The following SPIDR variants were observed in gnomAD, a reference collection of about 807,000 sequenced individuals.
SPIDR encodes the protein scaffold protein involved in DNA repair, also known as DNA repair-scaffolding protein.
In SPIDR, 93 loss-of-function variants were observed where a neutral mutation model predicts 104.6. That is an observed-to-expected ratio of 0.89 (90% CI 0.75 to 1.06). The LOEUF (loss-of-function observed/expected upper bound fraction) is 1.06, where lower values mean the gene tolerates loss of function less well. Among genes scored for constraint, SPIDR ranks in the 50% least tolerant of loss-of-function variants. SPIDR has a pLI of 0.00. For synonymous variants in SPIDR, 431 were observed against 416.9 expected (o/e 1.03, Z -0.41); for missense variants, 1,154 against 1,111.2 (o/e 1.04, Z -0.55).
chr8:47,690,482 A>G (rs1177372712), intron 11 of SPIDR, among the ~76,000 whole-genome samples: 2 of 150,278 alleles, frequency 1.3e-5, no homozygotes, highest in East Asian at 1.9e-4. Flanking sequence ...TTATATACAT[A>G]TATTATTTTT....
At chr8:47,586,405 A>G (rs1241754351) in intron 8 of SPIDR, among the ~76,000 whole-genome samples, 1 of 152,200 alleles carries the variant, frequency 6.6e-6, no homozygotes, top group Non-Finnish European at 1.5e-5. Flanking sequence ...CATCCTTGCC[A>G]GCATTCAATG....
chr8:47,655,030 T>G (rs1482528634), intron 10 of SPIDR, among the ~76,000 whole-genome samples: 1 of 152,206 alleles, frequency 6.6e-6, no homozygotes, highest in Non-Finnish European at 1.5e-5. Flanking sequence ...TCCAGCTTCA[T>G]CCATGTCCCT....
intron 7 of SPIDR, among the ~76,000 whole-genome samples, chr8:47,409,118 G>A (rs944881403): frequency 6.6e-5 from 10 of 152,248 alleles, no homozygotes; most frequent in East Asian, 1.9e-4. Flanking sequence ...CCCAGGAGGC[G>A]GAGTCTTCAG....
At chr8:47,540,709 C>G (rs2087933686) in intron 8 of SPIDR, among the ~76,000 whole-genome samples, 1 of 152,130 alleles carries the variant, frequency 6.6e-6, no homozygotes, top group African/African-American at 2.4e-5. Context: ...GTCTTTCCCC[C>G]CATTGCCCCT....
At chr8:47,312,977 G>A (rs1400573077) in intron 5 of SPIDR, among the ~76,000 whole-genome samples, 1 of 152,134 alleles carries the variant, frequency 6.6e-6, no homozygotes, top group Admixed American at 6.6e-5. Context: ...ATTAAATAGG[G>A]AATCCTTTCC....
intron 5 of SPIDR, among the ~76,000 whole-genome samples, chr8:47,312,743 A>G (rs1188335373): frequency 6.6e-6 from 1 of 152,054 alleles, no homozygotes; most frequent in African/African-American, 2.4e-5. Context: ...CCATTTGTCA[A>G]TTTTGGCTTT....
chr8:47,630,092 T>A (rs2066823507), intron 10 of SPIDR, among the ~76,000 whole-genome samples: 1 of 152,226 alleles, frequency 6.6e-6, no homozygotes, highest in South Asian at 2.1e-4. Context: ...GATGTGACAT[T>A]TTGAAATGTC....
intron 8 of SPIDR, among the ~76,000 whole-genome samples, chr8:47,476,303 T>G (rs2076290005): frequency 6.6e-6 from 1 of 152,124 alleles, no homozygotes; most frequent in East Asian, 1.9e-4. Context: ...CTCTTGAGTT[T>G]GTGATCGAGA....
At chr8:47,589,025 T>G (rs1023782127) in intron 8 of SPIDR, among the ~76,000 whole-genome samples, 3 of 142,628 alleles carry the variant, frequency 2.1e-5, no homozygotes, top group Non-Finnish European at 4.5e-5. Flanking sequence ...ATAGTTTGTT[T>G]TTTTTTTTTT....
At chr8:47,484,256 A>G (rs1357027679) in intron 8 of SPIDR, among the ~76,000 whole-genome samples, 2 of 152,254 alleles carry the variant, frequency 1.3e-5, no homozygotes, top group African/African-American at 4.8e-5. Flanking sequence ...AGCAATGAAA[A>G]TAGTAACTTT....
chr8:47,339,718 C>G (rs527380766), intron 5 of SPIDR, among the ~76,000 whole-genome samples: 1 of 145,322 alleles, frequency 6.9e-6, no homozygotes, highest in Non-Finnish European at 1.5e-5. Context: ...CTCGCACTGT[C>G]GCCTGGACTG....
intron 10 of SPIDR, among the ~76,000 whole-genome samples, chr8:47,670,776 A>AAT (rs1266396299): frequency 6.6e-6 from 1 of 152,062 alleles, no homozygotes; most frequent in Non-Finnish European, 1.5e-5. Flanking sequence ...CTACACCTTT[A>AAT]ATATTATTAA....
chr8:47,501,722 A>C (rs1263899571), intron 8 of SPIDR, among the ~76,000 whole-genome samples: 3 of 152,132 alleles, frequency 2.0e-5, no homozygotes, highest in South Asian at 2.1e-4. Flanking sequence ...GTCTTGTGCG[A>C]GTTTTCAAAG....
chr8:47,394,366 G>C (rs1168936940), intron 5 of SPIDR, among the ~76,000 whole-genome samples: 1 of 152,176 alleles, frequency 6.6e-6, no homozygotes, highest in African/African-American at 2.4e-5. Context: ...CAAGCAGCAT[G>C]AATCCTCTTC....
intron 16 of SPIDR, among the ~76,000 whole-genome samples, chr8:47,721,402 A>G (rs1005593584): frequency 1.3e-5 from 2 of 151,704 alleles, no homozygotes; most frequent in Admixed American, 6.6e-5. Context: ...TCAGGTGACT[A>G]TATTTATGAG....
chr8:47,306,796 T>TAAA (rs2043162380), intron 5 of SPIDR, among the ~76,000 whole-genome samples: 1 of 152,256 alleles, frequency 6.6e-6, no homozygotes, highest in African/African-American at 2.4e-5. Flanking sequence ...TAAATGTTTA[T>TAAA]AATTTTTGTC....
chr8:47,659,576 G>T (rs1442358859), intron 10 of SPIDR: 1 of 311,188 alleles, frequency 3.2e-6, no homozygotes, highest in Non-Finnish European at 4.7e-6. Flanking sequence ...CCTCCCAGGC[G>T]GCTACAGGAG....
At chr8:47,693,654 G>C (rs996670498) in intron 11 of SPIDR, among the ~76,000 whole-genome samples, 1 of 152,066 alleles carries the variant, frequency 6.6e-6, no homozygotes, top group African/African-American at 2.4e-5. Context: ...TCACATTCTC[G>C]TGAGGACACA....
chr8:47,294,688 T>C (rs1161511615), intron 5 of SPIDR, among the ~76,000 whole-genome samples: 1 of 152,196 alleles, frequency 6.6e-6, no homozygotes, highest in African/African-American at 2.4e-5. Flanking sequence ...TAGAACGCAA[T>C]GGTGCGATCG....
Sources: allele counts gnomAD v4.1 joint callset (sites outside exome capture counted in the v4.1 genomes callset), GRCh38; gene constraint gnomAD v4.1.1; transcripts MANE v1.5; gene names NCBI Gene and HGNC (gene_info 2026-07-23, HGNC 2026-07-21).